Variants in CSMD2 observed in about 807,000 individuals in gnomAD.
The protein encoded by CSMD2 is CUB and Sushi multiple domains 2.
Under a neutral mutation model 398.5 loss-of-function variants are expected in CSMD2, and 130 were observed. The observed-to-expected ratio is 0.33, with a 90% CI of 0.28 to 0.38. The LOEUF (loss-of-function observed/expected upper bound fraction) is 0.38. Among genes scored for constraint, CSMD2 ranks in the 10% least tolerant of loss-of-function variants. The pLI, the probability that CSMD2 is intolerant of heterozygous loss-of-function variation, is 1.00. For synonymous variants in CSMD2, 1,828 were observed against 1,908.5 expected, an observed-to-expected ratio of 0.96 and a Z score of 1.10; for missense variants, 3,829 against 4,764.9, an observed-to-expected ratio of 0.80 and a Z score of 5.78.
chr1:33,601,746 A>T (rs927240490), intron 43 of CSMD2, among the ~76,000 whole-genome samples: 9 of 152,244 alleles, frequency 5.9e-5, no homozygotes, highest in African/African-American at 2.2e-4. Context: ...GTTGTATATA[A>T]CTACATAACT....
At chr1:33,568,036 G>A (rs66808281) in intron 52 of CSMD2, among the ~76,000 whole-genome samples, 195 bp from the exon 53 acceptor site, 32,693 of 151,792 alleles carry the variant, frequency 0.22, 3,653 homozygotes, top group South Asian at 0.26. Context: ...CAGTTTCTGT[G>A]TCTCTACACA....
At chr1:33,555,776 T>A (rs771026943) in intron 55 of CSMD2, among the ~76,000 whole-genome samples, 21 of 152,234 alleles carry the variant, frequency 1.4e-4, no homozygotes, top group Non-Finnish European at 3.1e-4. Flanking sequence ...TTTTTTGACA[T>A]GATACTACTG....
intron 24 of CSMD2, among the ~76,000 whole-genome samples, chr1:33,695,836 T>C (rs1645404149): frequency 6.6e-6 from 1 of 152,362 alleles, no homozygotes; most frequent in African/African-American, 2.4e-5. Context: ...TCTATTTGGA[T>C]GGAGGACCTG....
chr1:33,877,688 C>T (rs1009259890), intron 5 of CSMD2, among the ~76,000 whole-genome samples: 1 of 152,132 alleles, frequency 6.6e-6, no homozygotes, highest in Non-Finnish European at 1.5e-5. Context: ...GAATGCCAGG[C>T]CCTTAGTCTG....
chr1:33,947,937 A>C (rs1286646680), intron 3 of CSMD2, among the ~76,000 whole-genome samples: 1 of 152,224 alleles, frequency 6.6e-6, no homozygotes, highest in Admixed American at 6.5e-5. Context: ...ACATTCACAC[A>C]GCATGGAACC....
chr1:34,155,118 G>A (rs1008492482), intron 1 of CSMD2, among the ~76,000 whole-genome samples: 6 of 152,206 alleles, frequency 3.9e-5, no homozygotes, highest in African/African-American at 1.4e-4. Flanking sequence ...TGGGGATGAA[G>A]GGAGGCAAAC....
rs184928264 is a variant in CSMD2 at position 33,669,463 on chromosome 1, A to C, written c.4053-6371T>G. Among the ~76,000 whole-genome samples, 398 of 152,290 alleles carry C rather than the reference A, an allele frequency of 2.6e-3. 5 individuals carry two copies. Among genetic ancestry groups the C allele is most frequent in the African/African-American group, 8.9e-3 (371 of 41,562 alleles). On this transcript the variant is annotated intron_variant, in intron 25 of 70. Coordinates refer to ENST00000373381, the MANE Select transcript of CSMD2 (RefSeq NM_001281956.2). ...GACCCAGTCTCTCCTCCTTCTCTAC[A>C]GGATAAAGTCAGACTTCCGAGGGGA... is the stretch of plus-strand genomic sequence containing the variant.
chr1:34,060,524 C>CTGCCTTGCCCTCCCCAGCG (rs1461955489), intron 2 of CSMD2, among the ~76,000 whole-genome samples: 2 of 152,168 alleles, frequency 1.3e-5, no homozygotes, highest in Non-Finnish European at 2.9e-5. Flanking sequence ...AGCTCTGAGG[C>CTGCCTTGCCCTCCCCAGCG]TGCCTTGCCC....
At position 33,646,745 on chromosome 1, in the gene CSMD2, C is replaced by A; in HGVS notation, c.4677G>T (p.Gln1559His). ...TGCTGCTTTCAATGCGGCCTGGGAG[C>A]TGGGAGCCATAGAAGCTTCCTATGA... ...SPLIGSFYGS[Q>H]LPGRIESSSN... is the part of the protein sequence containing the mutation. The change falls in exon 29 of 71, where the codon CAG becomes CAT. Residue 1559 changes from glutamine to histidine, a missense_variant. Around this residue, in one of 5 missense-constraint regions of CSMD2, gnomAD observed 2,001 missense variants for 2,567.1 expected, o/e 0.78. Coordinates refer to ENST00000373381, the MANE Select transcript of CSMD2 (RefSeq NM_001281956.2). 1 of 1,614,178 alleles carries A rather than the reference C, an allele frequency of 6.2e-7. No homozygotes were observed. Among genetic ancestry groups the A allele is most frequent in the East Asian group, 2.2e-5 (1 of 44,884 alleles).
rs530821598 is a variant in CSMD2 at position 33,932,122 on chromosome 1, T to C, written c.712+3638A>G. ...TTGGTGGGGACACTTTTCACTGAGC[T>C]GGGGAAGGCAACAAAAAGAGCAGGT... On this transcript the variant is annotated intron_variant, in intron 4 of 70. Coordinates refer to ENST00000373381, the MANE Select transcript of CSMD2 (RefSeq NM_001281956.2). Among the ~76,000 whole-genome samples, 4 of 152,016 alleles carry C rather than the reference T, an allele frequency of 2.6e-5. No homozygotes were observed. The East Asian group carries it at 7.7e-4, about 29-fold the overall frequency.
At chr1:33,521,573 G>C (rs372572008) in intron 67 of CSMD2, 23 bp from the exon 68 acceptor site, 2 of 1,448,288 alleles carry the variant, frequency 1.4e-6, no homozygotes, top group African/African-American at 1.4e-5. Flanking sequence ...GGAGCACAGA[G>C]AGCAGGTGGG....
At chr1:33,722,039 C>A (rs1343391001) in intron 19 of CSMD2, among the ~76,000 whole-genome samples, 2 of 152,036 alleles carry the variant, frequency 1.3e-5, no homozygotes, top group African/African-American at 4.8e-5. Flanking sequence ...CATGTTATTC[C>A]TTTTAGGAGC....
chr1:34,127,657 G>A (rs1426285518), intron 1 of CSMD2, among the ~76,000 whole-genome samples: 1 of 152,146 alleles, frequency 6.6e-6, no homozygotes, highest in Admixed American at 6.5e-5. Context: ...TTAGGATTAG[G>A]ACAGGAAGCT....
In CSMD2 at chr1:34,067,719, C is replaced by G. The variant is rs140348893; in HGVS notation, c.404+21258G>C. On this transcript the variant is annotated intron_variant, in intron 2 of 70. Coordinates refer to ENST00000373381, the MANE Select transcript of CSMD2 (RefSeq NM_001281956.2). ...TTTGTCAACCTTTTAAAATCAGGGA[C>G]CCCCTATGAAGATTCACATAAAATG... Among the ~76,000 whole-genome samples, 970 of 152,290 alleles carry G rather than the reference C, an allele frequency of 6.4e-3. 11 individuals carry two copies. The highest frequency in any genetic ancestry group is 0.022 in the African/African-American group (913 of 41,558).
Position 33,781,572 on chromosome 1 carries a change from G to A in CSMD2, c.1663+7028C>T, listed in dbSNP as rs1652771555. Among the ~76,000 whole-genome samples the A allele has an allele frequency of 2.0e-5, 3 of 152,162 alleles. No individual in the cohort carries two copies. In the South Asian group the frequency reaches 6.2e-4, roughly 32 times the overall value. ...CCCTCTGCATAATCTCTACTGTCCT[G>A]CTCCTTCATGTCTGTAGGGTCCAGG... is the stretch of plus-strand genomic sequence containing the variant. On this transcript the variant is annotated intron_variant, in intron 12 of 70. Transcript: ENST00000373381.
At chr1:34,150,083 TTTTTTTG>T (rs1640159388) in intron 1 of CSMD2, among the ~76,000 whole-genome samples, 2 of 145,760 alleles carry the variant, frequency 1.4e-5, no homozygotes, top group African/African-American at 2.5e-5. Flanking sequence ...TTCTTTCTTT[TTTTTTTG>T]TTTTTTTTTG....
intron 8 of CSMD2, 43 bp downstream of exon 8, chr1:33,820,426 C>T: frequency 7.2e-7 from 1 of 1,385,942 alleles, no homozygotes; most frequent in Non-Finnish European, 1.0e-6. Context: ...AGCCAGGCCA[C>T]CCCACCCTTC....
intron 5 of CSMD2, among the ~76,000 whole-genome samples, chr1:33,871,897 T>C (rs1177786988): frequency 6.6e-6 from 1 of 152,200 alleles, no homozygotes; most frequent in Non-Finnish European, 1.5e-5. Flanking sequence ...CGAGCCATCA[T>C]GCCTGGCCTC....
chr1:33,580,562 C>A (rs1638621902), intron 48 of CSMD2, among the ~76,000 whole-genome samples, 191 bp downstream of exon 48: 1 of 152,016 alleles, frequency 6.6e-6, no homozygotes. Context: ...CAAAGGCTGG[C>A]AGTATGAGAA....
Sources: gnomAD v4.1 joint callset for allele counts (sites outside exome capture counted in the v4.1 genomes callset) on GRCh38, gnomAD v4.1.1 for gene constraint, gnomAD v4.1.1 regional missense constraint, MANE v1.5 for transcripts, NCBI Gene and HGNC (gene_info 2026-07-23, HGNC 2026-07-21) for gene names.